Variants in KIAA1217 observed in about 807,000 individuals in gnomAD.
KIAA1217 encodes KIAA1217.
KIAA1217 carries 88 observed loss-of-function variants against 163.9 expected under a neutral mutation model. The ratio of observed to expected loss-of-function variants is 0.54; its 90% CI spans 0.45 to 0.64. The LOEUF (loss-of-function observed/expected upper bound fraction) is 0.64, where lower values mean the gene tolerates loss of function less well. KIAA1217 is among the 30% of genes least tolerant of loss of function. The pLI, the probability that KIAA1217 is intolerant of heterozygous loss-of-function variation, is 0.00. For synonymous variants in KIAA1217, 903 were observed against 923.1 expected (o/e 0.98, Z 0.39); for missense variants, 2,372 against 2,475.0 (o/e 0.96, Z 0.88).
At position 24,521,814 on chromosome 10, in the gene KIAA1217, G is replaced by C; in HGVS notation, c.2341G>C (p.Ala781Pro). 1 of 1,613,536 alleles carries C rather than the reference G, an allele frequency of 6.2e-7. No individual in the cohort carries two copies. The highest frequency in any genetic ancestry group is 8.5e-7 in the Non-Finnish European group (1 of 1,179,946). Residue 781 changes from alanine to proline, a missense_variant, in exon 12 of 21, where the codon GCC becomes CCC. Around this residue, in one of 3 missense-constraint regions of KIAA1217, gnomAD observed 1,431 missense variants for 1,470.3 expected, o/e 0.97. Transcript: ENST00000376454. ...EFPTLQNKMR[A>P]ILRIEVEAVR... Reference sequence around the variant, plus strand: ...TCCAACCTTACAAAACAAGATGCGAGCCATCCTGCGCATAGAAGTGGAGGC... The same window carrying C: ...TCCAACCTTACAAAACAAGATGCGACCCATCCTGCGCATAGAAGTGGAGGC...
intron 2 of KIAA1217, among the ~76,000 whole-genome samples, chr10:24,167,033 T>A (rs981022785): frequency 1.3e-5 from 2 of 152,138 alleles, no homozygotes; most frequent in African/African-American, 2.4e-5. Flanking sequence ...CATACCCCCT[T>A]TAGGTTTCAC....
intron 1 of KIAA1217, among the ~76,000 whole-genome samples, chr10:23,886,533 G>T (rs1841182046): frequency 6.6e-6 from 1 of 151,958 alleles, no homozygotes; most frequent in African/African-American, 2.4e-5. Context: ...ACTGGGCTTT[G>T]GTCAACGTGT....
chr10:24,057,817 G>A (rs2131594325), intron 2 of KIAA1217, among the ~76,000 whole-genome samples: 1 of 151,926 alleles, frequency 6.6e-6, no homozygotes, highest in African/African-American at 2.4e-5. Flanking sequence ...CCAGCTATAT[G>A]GGATTCACAC....
chr10:24,495,144 C>T lies in KIAA1217; in HGVS notation c.1785-3C>T. ...TAGCTGACTCTCTTTTTCTTTTATT[C>T]AGCGAGAAAATGATGAAAACCACAG... On this transcript the variant is annotated splice_region_variant and splice_polypyrimidine_tract_variant and intron_variant, in intron 7 of 20. Transcript: ENST00000376454. 2 of 1,606,508 alleles carry T rather than the reference C, an allele frequency of 1.2e-6. No individual in the cohort carries two copies. The highest frequency in any genetic ancestry group is 1.7e-5 in the Admixed American group (1 of 58,868).
intron 20 of KIAA1217, chr10:24,545,453 C>A: frequency 7.8e-7 from 1 of 1,283,932 alleles, no homozygotes. Context: ...TTAACGTCAC[C>A]ACTACTAACG....
At position 24,367,591 on chromosome 10, in the gene KIAA1217, TA is replaced by T. The variant is rs1182756377; in HGVS notation, c.355-13274del. ...TGCTCCAGCAGAATACTCATGGCAG[TA>T]AAACAGAAGCCTGAATCATTCTGAC... On this transcript the variant is annotated intron_variant, in intron 2 of 20. Coordinates refer to ENST00000376454, the MANE Select transcript of KIAA1217 (RefSeq NM_019590.5). 6.6e-5 allele frequency among the ~76,000 whole-genome samples: 10 copies of T among 152,316 alleles called. No homozygotes were observed. In the East Asian group the frequency reaches 1.7e-3, roughly 26 times the overall value.
chr10:24,397,689 G>C (rs542295723), intron 3 of KIAA1217, among the ~76,000 whole-genome samples: 1 of 152,202 alleles, frequency 6.6e-6, no homozygotes, highest in Non-Finnish European at 1.5e-5. Flanking sequence ...TCTCTTATGA[G>C]AGCAGTGACT....
intron 2 of KIAA1217, among the ~76,000 whole-genome samples, chr10:24,276,657 C>T (rs553404875): frequency 1.1e-3 from 167 of 150,394 alleles, no homozygotes; most frequent in African/African-American, 3.9e-3. Flanking sequence ...TCACCGAGGC[C>T]GTAGTGCAGT....
At chr10:24,352,881 G>A (rs2048628904) in intron 2 of KIAA1217, among the ~76,000 whole-genome samples, 1 of 152,124 alleles carries the variant, frequency 6.6e-6, no homozygotes, top group South Asian at 2.1e-4. Flanking sequence ...AGCGAAAGGA[G>A]GGAATGTGGC....
intron 3 of KIAA1217, among the ~76,000 whole-genome samples, chr10:24,390,826 T>G (rs955558732): frequency 2.6e-5 from 4 of 152,178 alleles, no homozygotes; most frequent in Non-Finnish European, 4.4e-5. Context: ...CCCCCCAGTT[T>G]GTCCTTTATC....
At chr10:23,724,299 T>C (rs1192857603) in intron 1 of KIAA1217, among the ~76,000 whole-genome samples, 1 of 152,206 alleles carries the variant, frequency 6.6e-6, no homozygotes, top group East Asian at 1.9e-4. Flanking sequence ...GATTTGATAA[T>C]TCCTATGTGC....
intron 2 of KIAA1217, among the ~76,000 whole-genome samples, chr10:24,164,483 T>C (rs938447942): frequency 1.1e-4 from 17 of 152,350 alleles, no homozygotes; most frequent in African/African-American, 4.1e-4. Flanking sequence ...TAACCCCATC[T>C]ATCCTGGTTA....
At chr10:24,320,942 G>A (rs1449454993) in intron 2 of KIAA1217, among the ~76,000 whole-genome samples, 1 of 151,964 alleles carries the variant, frequency 6.6e-6, no homozygotes, top group East Asian at 1.9e-4. Context: ...AGCTACTTGG[G>A]AAGCTGAGGC....
intron 1 of KIAA1217, among the ~76,000 whole-genome samples, chr10:23,720,118 A>C (rs916490794): frequency 4.6e-5 from 7 of 151,896 alleles, no homozygotes; most frequent in Non-Finnish European, 8.8e-5. Flanking sequence ...GTGGTTACAC[A>C]AAGTTGTGAA....
At chr10:24,372,442 CA>C (rs1385851390) in intron 2 of KIAA1217, among the ~76,000 whole-genome samples, 2 of 152,064 alleles carry the variant, frequency 1.3e-5, no homozygotes, top group Non-Finnish European at 2.9e-5. Flanking sequence ...GGAAGGAACT[CA>C]GATAAAACAA....
At position 24,199,543 on chromosome 10, in the gene KIAA1217, G is replaced by A. The variant is rs140696795; in HGVS notation, c.-170-20083G>A. The stretch of plus-strand genomic sequence containing the variant: ...AGCCGAAGAGAAATTGTTGAAGTTT[G>A]GGAAACAAAGTAATTTTCACTGTTT... On this transcript the variant is annotated intron_variant, in intron 2 of 18. Transcript: ENST00000376462. Among the ~76,000 whole-genome samples the A allele has an allele frequency of 1.1e-4, 16 of 152,232 alleles. No homozygotes were observed. The East Asian group carries it at 3.1e-3, about 29-fold the overall frequency.
chr10:23,798,339 G>C (rs1420650534), intron 1 of KIAA1217, among the ~76,000 whole-genome samples: 1 of 152,098 alleles, frequency 6.6e-6, no homozygotes, highest in Non-Finnish European at 1.5e-5. Flanking sequence ...AATGATCCCA[G>C]CAAACCTGTC....
intron 1 of KIAA1217, among the ~76,000 whole-genome samples, chr10:23,983,820 A>T (rs540774149): frequency 3.0e-4 from 46 of 152,200 alleles, no homozygotes; most frequent in Non-Finnish European, 6.3e-4. Context: ...CAAGAACAGG[A>T]TCCAAGTCCT....
chr10:24,374,199 T>G (rs2052120222), intron 2 of KIAA1217, among the ~76,000 whole-genome samples: 1 of 152,186 alleles, frequency 6.6e-6, no homozygotes, highest in Non-Finnish European at 1.5e-5. Context: ...AAATACTAAT[T>G]ATCAGACCTC....
Sources: allele counts gnomAD v4.1 joint callset (sites outside exome capture counted in the v4.1 genomes callset), GRCh38; gene constraint gnomAD v4.1.1; regional missense constraint gnomAD v4.1.1; transcripts MANE v1.5; gene names NCBI Gene and HGNC (gene_info 2026-07-23, HGNC 2026-07-21).